BCAT1: variants seen among roughly 807,000 people sequenced by gnomAD.
The protein encoded by BCAT1 is branched-chain-amino-acid aminotransferase, cytosolic.
BCAT1 carries 48 observed loss-of-function variants against 52.4 expected under a neutral mutation model. The observed-to-expected ratio is 0.92, with a 90% CI of 0.73 to 1.16. The LOEUF (loss-of-function observed/expected upper bound fraction) is 1.16, where lower values mean the gene tolerates loss of function less well. Ranked by LOEUF, BCAT1 falls within the 50% of genes most tolerant of loss-of-function variation. The pLI is 0.00. For synonymous variants in BCAT1, 167 were observed against 161.3 expected (o/e 1.04, Z -0.27); for missense variants, 451 against 457.1 (o/e 0.99, Z 0.12).
intron 1 of BCAT1, among the ~76,000 whole-genome samples, chr12:24,947,167 CCACACA>C (rs57265449): frequency 0.046 from 6,499 of 141,174 alleles, 164 homozygotes; most frequent in South Asian, 0.083. Flanking sequence ...CGTCTTCCCT[CCACACA>C]CACACACACA....
intron 5 of BCAT1, among the ~76,000 whole-genome samples, chr12:24,861,362 T>C (rs1448540393): frequency 3.3e-5 from 5 of 152,258 alleles, no homozygotes; most frequent in African/African-American, 1.2e-4. Flanking sequence ...TTAGTTGGGA[T>C]AATTATACTT....
intron 5 of BCAT1, among the ~76,000 whole-genome samples, chr12:24,864,193 G>A (rs983680862): frequency 6.6e-6 from 1 of 152,158 alleles, no homozygotes; most frequent in Non-Finnish European, 1.5e-5. Context: ...AATGCTACAG[G>A]ATGGTTATTA....
At chr12:24,857,688 T>G (rs1941730154) in intron 5 of BCAT1, among the ~76,000 whole-genome samples, 9 of 152,250 alleles carry the variant, frequency 5.9e-5, no homozygotes, top group Admixed American at 5.9e-4. Context: ...GGGAAAAATC[T>G]GTTTTCCTCA....
intron 1 of BCAT1, 192 bp from the exon 2 acceptor site, chr12:24,902,077 A>C: frequency 6.7e-7 from 1 of 1,500,226 alleles, no homozygotes; most frequent in East Asian, 2.5e-5. Flanking sequence ...GCTGCCCTGC[A>C]CTTCCCACCC....
In BCAT1 at chr12:24,832,826, T is replaced by C; in HGVS notation, c.941A>G (p.Asp314Gly). Residue 314 changes from aspartate to glycine, a missense_variant, in exon 9 of 11, where the codon GAT becomes GGT. Physicochemically the swap from Asp to Gly is moderately conservative, Grantham distance 94. Coordinates refer to ENST00000261192, the MANE Select transcript of BCAT1 (RefSeq NM_005504.7). ...FKVSERYLTM[D>G]DLTTALEGNR... Reference sequence around the variant, plus strand: ...CCCCTCCAGGGCTGTTGTCAAGTCATCCATGGTGAGGTATCTCTCTGACAC... The same window carrying C: ...CCCCTCCAGGGCTGTTGTCAAGTCACCCATGGTGAGGTATCTCTCTGACAC... The C allele has an allele frequency of 3.1e-6, 5 of 1,612,492 alleles. No individual in the cohort carries two copies. The highest frequency in any genetic ancestry group is 4.2e-6 in the Non-Finnish European group (5 of 1,179,236).
intron 1 of BCAT1, among the ~76,000 whole-genome samples, chr12:24,921,890 A>G (rs888980103): frequency 3.9e-5 from 6 of 152,236 alleles, no homozygotes; most frequent in Admixed American, 1.3e-4. Flanking sequence ...CCAGGTGCAC[A>G]TCAAAGGAAA....
At chr12:24,917,297 G>A (rs925783830) in intron 1 of BCAT1, among the ~76,000 whole-genome samples, 2 of 148,114 alleles carry the variant, frequency 1.4e-5, no homozygotes, top group Middle Eastern at 3.2e-3. Context: ...TTCCGCCTCA[G>A]CCTGCCGGGT....
At chr12:24,891,923 T>A (rs1044508291) in intron 3 of BCAT1, among the ~76,000 whole-genome samples, 1 of 151,336 alleles carries the variant, frequency 6.6e-6, no homozygotes, top group African/African-American at 2.4e-5. Context: ...TAATTTTTTT[T>A]TTTTTTTCTA....
At chr12:24,889,103 C>T (rs183489232) in intron 3 of BCAT1, among the ~76,000 whole-genome samples, 1 of 152,280 alleles carries the variant, frequency 6.6e-6, no homozygotes, top group Admixed American at 6.5e-5. Flanking sequence ...CTATAAAATC[C>T]AGCTCATCTG....
chr12:24,918,202 G>A (rs996619963), intron 1 of BCAT1, among the ~76,000 whole-genome samples: 6 of 152,282 alleles, frequency 3.9e-5, no homozygotes, highest in South Asian at 2.1e-4. Flanking sequence ...AAACTGCAGC[G>A]CCCTAGTCAG....
chr12:24,862,659 G>A (rs1378028746), intron 5 of BCAT1, among the ~76,000 whole-genome samples: 2 of 152,122 alleles, frequency 1.3e-5, no homozygotes, highest in African/African-American at 4.8e-5. Context: ...CCTATAGCCT[G>A]TTGAATATAT....
At chr12:24,902,057 T>C in intron 1 of BCAT1, 172 bp from the exon 2 acceptor site, 1 of 1,533,820 alleles carries the variant, frequency 6.5e-7, no homozygotes, top group South Asian at 1.2e-5. Flanking sequence ...AACAAGCGTG[T>C]CTTGGGAGCG....
chr12:24,936,179 G>A lies in BCAT1; in HGVS notation c.6+12748C>T, dbSNP rs375086655. On this transcript the variant is annotated intron_variant, in intron 1 of 10. Transcript: ENST00000261192. ...TTTCCAGGTACCAAAATCTGTATTC[G>A]TGTACTACTGCTGTTGTAACAGATG... Among the ~76,000 whole-genome samples the A allele has an allele frequency of 3.3e-5, 5 of 152,122 alleles. 1 individual carries two copies. The East Asian group carries it at 7.7e-4, about 23-fold the overall frequency.
intron 1 of BCAT1, among the ~76,000 whole-genome samples, chr12:24,917,475 C>G (rs1943435818): frequency 6.6e-6 from 1 of 152,226 alleles, no homozygotes; most frequent in Admixed American, 6.5e-5. Context: ...AGCCACTGCG[C>G]CCAGACGAGT....
At chr12:24,915,493 A>G (rs1943393474) in intron 1 of BCAT1, among the ~76,000 whole-genome samples, 1 of 152,248 alleles carries the variant, frequency 6.6e-6, no homozygotes, top group African/African-American at 2.4e-5. Flanking sequence ...TACATACAAT[A>G]AAGACACCTC....
At chr12:24,940,150 A>G (rs1019172207) in intron 1 of BCAT1, among the ~76,000 whole-genome samples, 2 of 152,240 alleles carry the variant, frequency 1.3e-5, no homozygotes, top group African/African-American at 4.8e-5. Flanking sequence ...ATCACAAACA[A>G]TGCTGCAATA....
At chr12:24,834,428 G>A in intron 8 of BCAT1, 1 of 984,902 alleles carries the variant, frequency 1.0e-6, no homozygotes, top group Non-Finnish European at 1.2e-6. Context: ...TAAGCTATGT[G>A]TTTAAACTAT....
In BCAT1 at chr12:24,861,117, G is replaced by C. The variant is rs149956496; in HGVS notation, c.511-11168C>G. The stretch of plus-strand genomic sequence containing the variant: ...ATGTTTCAGAAACTATGGTATACTT[G>C]TTATTCAACTCTAGTCCCATTCATT... On this transcript the variant is annotated intron_variant, in intron 5 of 10. Coordinates refer to ENST00000261192, the MANE Select transcript of BCAT1 (RefSeq NM_005504.7). Among the ~76,000 whole-genome samples, 14 of 152,290 alleles carry C rather than the reference G, an allele frequency of 9.2e-5. No individual in the cohort carries two copies. The East Asian group carries it at 2.5e-3, about 27-fold the overall frequency.
intron 2 of BCAT1, among the ~76,000 whole-genome samples, chr12:24,899,086 T>C (rs1943028024): frequency 6.6e-6 from 1 of 152,110 alleles, no homozygotes; most frequent in Non-Finnish European, 1.5e-5. Flanking sequence ...GCTGGAGGAA[T>C]TGGAAGAAAT....
Sources: gnomAD v4.1 joint callset for allele counts (sites outside exome capture counted in the v4.1 genomes callset) on GRCh38, gnomAD v4.1.1 for gene constraint, MANE v1.5 for transcripts, NCBI Gene and HGNC (gene_info 2026-07-23, HGNC 2026-07-21) for gene names.